The following BRSK1 variants were observed in gnomAD, a reference collection of about 807,000 sequenced individuals.
BRSK1 encodes the protein serine/threonine-protein kinase BRSK1.
BRSK1 carries 17 observed loss-of-function variants against 86.2 expected under a neutral mutation model. That is an observed-to-expected ratio of 0.20 (90% CI 0.14 to 0.30). The LOEUF is 0.30. BRSK1 is among the 10% of genes least tolerant of loss of function. The probability of loss-of-function intolerance (pLI) is 1.00; values close to 1 mark genes in which losing one functional copy is unlikely to be tolerated. For synonymous variants in BRSK1, 464 were observed against 440.1 expected, an observed-to-expected ratio of 1.05 and a Z score of -0.68; for missense variants, 719 against 1,071.9, an observed-to-expected ratio of 0.67 and a Z score of 4.60.
Position 55,304,845 on chromosome 19 carries a change from G to T in BRSK1, c.1642G>T (p.Ala548Ser). Reference sequence around the variant, plus strand: ...CCCCGGCGGTGGCGTCGGGGGAGCCGCCTGGAGGAGTCGTCTCAACTCCAT... The same window carrying T: ...CCCCGGCGGTGGCGTCGGGGGAGCCTCCTGGAGGAGTCGTCTCAACTCCAT... ...PSPGGGVGGA[A>S]WRSRLNSIRN... Residue 548 changes from alanine to serine, a missense_variant, in exon 14 of 19, where the codon GCC (alanine) becomes TCC (serine). By Grantham distance (99) the Ala-to-Ser change is moderately conservative (BLOSUM62 1). Transcript: ENST00000309383. The surrounding 1 kb of genome is among the most constrained non-coding windows in gnomAD (Gnocchi z 5.2). 2 of 1,606,546 alleles carry T rather than the reference G, an allele frequency of 1.2e-6. No homozygotes were observed. Among genetic ancestry groups the T allele is most frequent in the South Asian group, 1.1e-5 (1 of 90,642 alleles).
chr19:55,312,252 G>A lies in BRSK1; in HGVS notation c.*184G>A, dbSNP rs1428269120. 2.5e-6 allele frequency: 1 copy of A among 407,490 alleles called. No homozygotes were observed. Among genetic ancestry groups the A allele is most frequent in the Non-Finnish European group, 4.3e-6 (1 of 230,874 alleles). 25.2% of individuals were successfully genotyped at this position (407,490 alleles called of 1,614,324 possible). A position where few individuals can be genotyped will look rare whatever the true frequency, so the allele number is the denominator to read the frequency against. The stretch of plus-strand genomic sequence containing the variant: ...CTGGGGGTGGTTCTAGGGGAACAGG[G>A]GGCGGGGGAGCTGTTTCTATTTTAT... On this transcript the variant is annotated 3_prime_UTR_variant, in exon 19 of 19. Coordinates refer to ENST00000309383, the MANE Select transcript of BRSK1 (RefSeq NM_032430.2).
Position 55,294,473 on chromosome 19 carries a change from C to G in BRSK1, c.678+76C>G. The G allele has an allele frequency of 1.4e-6, 2 of 1,443,906 alleles. No individual in the cohort carries two copies. The highest frequency in any genetic ancestry group is 1.9e-6 in the Non-Finnish European group (2 of 1,047,578). 89.4% of individuals were successfully genotyped at this position (1,443,906 alleles called of 1,614,324 possible). Reference sequence around the variant, plus strand: ...GGAGCATAGGACAGTACCTTCCATCCTCAGGTCATCTCCTGAATTTATTTA... The same window carrying G: ...GGAGCATAGGACAGTACCTTCCATCGTCAGGTCATCTCCTGAATTTATTTA... On this transcript the variant is annotated intron_variant, in intron 7 of 18. Transcript: ENST00000309383. The surrounding 1 kb of genome is among the most constrained non-coding windows in gnomAD (Gnocchi z 4.9).
In BRSK1 at chr19:55,304,838, G is replaced by T. The variant is rs767680955; in HGVS notation, c.1635G>T (p.Gly545=). The change falls in exon 14 of 19, where the codon GGG becomes GGT. Residue 545 remains glycine (G), a synonymous_variant. Coordinates refer to ENST00000309383, the MANE Select transcript of BRSK1 (RefSeq NM_032430.2). This position sits in a 1 kb window ranked among gnomAD's most constrained non-coding sequence, Gnocchi z 5.2. Reference sequence around the variant, plus strand: ...CCCCCAGCCCCGGCGGTGGCGTCGGGGGAGCCGCCTGGAGGAGTCGTCTCA... The same window carrying T: ...CCCCCAGCCCCGGCGGTGGCGTCGGTGGAGCCGCCTGGAGGAGTCGTCTCA... The part of the protein sequence containing the change: ...TPPPSPGGGV[G]GAAWRSRLNS... 1 of 1,603,056 alleles carries T rather than the reference G, an allele frequency of 6.2e-7. No individual in the cohort carries two copies. Among genetic ancestry groups the T allele is most frequent in the Non-Finnish European group, 8.5e-7 (1 of 1,177,054 alleles).
intron 7 of BRSK1, among the ~76,000 whole-genome samples, chr19:55,300,844 AAAAG>A (rs151039501): frequency 1.2e-3 from 178 of 152,270 alleles, no homozygotes; most frequent in African/African-American, 3.6e-3. Context: ...TCCATCTCAA[AAAAG>A]AAAGAAAGAA....
chr19:55,285,170 T>C (rs1328273999), intron 1 of BRSK1, among the ~76,000 whole-genome samples: 1 of 143,438 alleles, frequency 7.0e-6, no homozygotes, highest in Non-Finnish European at 1.5e-5. Context: ...CTCCTGAGTA[T>C]GAAGGAAGAG....
intron 1 of BRSK1, among the ~76,000 whole-genome samples, chr19:55,285,818 C>G (rs1050778272): frequency 6.6e-6 from 1 of 152,034 alleles, no homozygotes; most frequent in African/African-American, 2.4e-5. Flanking sequence ...ACCGACTGGG[C>G]CGTAACTGGG....
At position 55,287,412 on chromosome 19, in the gene BRSK1, G is replaced by C; in HGVS notation, c.317+113G>C. 1 of 957,676 alleles carries C rather than the reference G, an allele frequency of 1.0e-6. No homozygotes were observed. The highest frequency in any genetic ancestry group is 1.6e-6 in the Non-Finnish European group (1 of 617,902). The allele number at this position is 957,676 out of a possible 1,614,324, so 59.3% of individuals were successfully genotyped here. On this transcript the variant is annotated intron_variant, in intron 3 of 18. Coordinates refer to ENST00000309383, the MANE Select transcript of BRSK1 (RefSeq NM_032430.2). The surrounding 1 kb of genome is among the most constrained non-coding windows in gnomAD (Gnocchi z 5.3). ...ACCTGGGGGACCTGCAGCTCTCCAG[G>C]CTGGACCGCTGAAGGCCCAGTTCCT... is the stretch of plus-strand genomic sequence containing the variant.
At position 55,311,982 on chromosome 19, in the gene BRSK1, C is replaced by A. The variant is rs749161942; in HGVS notation, c.2251C>A (p.Pro751Thr). 6.3e-7 allele frequency: 1 copy of A among 1,583,918 alleles called. No homozygotes were observed. Among genetic ancestry groups the A allele is most frequent in the South Asian group, 1.1e-5 (1 of 87,934 alleles). ...AAGCCTGCAGCCCCCACCCGGCCGC[C>A]CAGACCCAGAGCTGAGCAGCTCTCC... is the stretch of plus-strand genomic sequence containing the variant. The part of the protein sequence containing the change: ...PRSLQPPPGR[P>T]DPELSSSPRR... Residue 751 changes from proline to threonine, a missense_variant, in exon 19 of 19, where the codon CCA becomes ACA. By Grantham distance (38) the Pro-to-Thr change is conservative. Transcript: ENST00000309383.
chr19:55,303,526 A>T lies in BRSK1; in HGVS notation c.1126+118A>T. On this transcript the variant is annotated intron_variant, in intron 11 of 18. Transcript: ENST00000309383. This position sits in a 1 kb window ranked among gnomAD's most constrained non-coding sequence, Gnocchi z 5.1. ...CTGCAGGCTCTGAGCTTCCAGCTTT[A>T]GACTGCTTGACTTGCTCTTTGACAT... The T allele has an allele frequency of 6.7e-7, 1 of 1,483,174 alleles. No homozygotes were observed. The allele number at this position is 1,483,174 out of a possible 1,614,324, so 91.9% of individuals were successfully genotyped here. A position where few individuals can be genotyped will look rare whatever the true frequency, so the allele number is the denominator to read the frequency against.
chr19:55,293,796 C>T (rs192736208), intron 4 of BRSK1, among the ~76,000 whole-genome samples: 120 of 152,094 alleles, frequency 7.9e-4, no homozygotes, highest in African/African-American at 2.3e-3. Flanking sequence ...GGAGACAGAG[C>T]GAGATTCCAT....
chr19:55,289,383 G>C, intron 3 of BRSK1, 97 bp from the exon 4 acceptor site: 1 of 1,414,682 alleles, frequency 7.1e-7, no homozygotes, highest in Non-Finnish European at 9.6e-7. Flanking sequence ...ATGGGAATTG[G>C]AGTTCTCTGC....
At position 55,284,331 on chromosome 19, in the gene BRSK1, G is replaced by T. The variant is rs1319513720; in HGVS notation, c.-112G>T. On this transcript the variant is annotated 5_prime_UTR_variant, in exon 1 of 19. Coordinates refer to ENST00000309383, the MANE Select transcript of BRSK1 (RefSeq NM_032430.2). ...CCCCTGGGGACCCCCGGAGAGGTGGGGGGCAGCCGGGGGGGCCGGGACGGA... is the reference window on the plus strand; with the variant it reads ...CCCCTGGGGACCCCCGGAGAGGTGGTGGGCAGCCGGGGGGGCCGGGACGGA... 5.7e-6 allele frequency: 5 copies of T among 876,610 alleles called. No homozygotes were observed. Among genetic ancestry groups the T allele is most frequent in the Non-Finnish European group, 7.6e-6 (5 of 660,776 alleles). 54.3% of individuals were successfully genotyped at this position (876,610 alleles called of 1,614,324 possible).
chr19:55,304,553 T>C lies in BRSK1; in HGVS notation c.1350T>C (p.Ser450=). The change falls in exon 14 of 19, where the codon AGT becomes AGC. Residue 450 remains serine, a splice_region_variant and synonymous_variant. Coordinates refer to ENST00000309383, the MANE Select transcript of BRSK1 (RefSeq NM_032430.2). This position sits in a 1 kb window ranked among gnomAD's most constrained non-coding sequence, Gnocchi z 5.2. The part of the protein sequence containing the change: ...LSSSPLSSPR[S]PVFSFSPEPG... ...TCTCAGTCTCCTGTCCTCTGCAGAGTCCGGTCTTTTCCTTTTCACCGGAGC... is the reference window on the plus strand; with the variant it reads ...TCTCAGTCTCCTGTCCTCTGCAGAGCCCGGTCTTTTCCTTTTCACCGGAGC... The C allele has an allele frequency of 3.8e-6, 6 of 1,579,164 alleles. No homozygotes were observed. The highest frequency in any genetic ancestry group is 5.1e-6 in the Non-Finnish European group (6 of 1,166,032).
Position 55,306,114 on chromosome 19 carries a change from TG to T in BRSK1, c.1891-134del. 1 of 795,336 alleles carries T rather than the reference TG, an allele frequency of 1.3e-6. No individual in the cohort carries two copies. Among genetic ancestry groups the T allele is most frequent in the Non-Finnish European group, 2.0e-6 (1 of 501,930 alleles). 49.3% of individuals were successfully genotyped at this position (795,336 alleles called of 1,614,324 possible). ...GAAAGCTACAAGTCCTTGCAGGCAG[TG>T]GGGCCTCCCAATGCATTTCCTGTCC... On this transcript the variant is annotated intron_variant, in intron 16 of 18. Coordinates refer to ENST00000309383, the MANE Select transcript of BRSK1 (RefSeq NM_032430.2). The surrounding 1 kb of genome is among the most constrained non-coding windows in gnomAD (Gnocchi z 4.7).
chr19:55,284,210 C>A lies in BRSK1; in HGVS notation c.-233C>A. On this transcript the variant is annotated 5_prime_UTR_variant, in exon 1 of 19. Transcript: ENST00000309383. ...GCTGGGGAGGGGGGGCCCCGCAGCC[C>A]CCCTGGGCCATGCTGACTCCCGGGG... 1 of 723,274 alleles carries A rather than the reference C, an allele frequency of 1.4e-6. No individual in the cohort carries two copies. Among genetic ancestry groups the A allele is most frequent in the Non-Finnish European group, 1.9e-6 (1 of 525,904 alleles). The allele number at this position is 723,274 out of a possible 1,614,324, so 44.8% of individuals were successfully genotyped here. A position where few individuals can be genotyped will look rare whatever the true frequency, so the allele number is the denominator to read the frequency against.
rs2088824122 is a variant in BRSK1 at position 55,312,410 on chromosome 19, C to T, written c.*342C>T. 5.2e-6 allele frequency: 1 copy of T among 193,002 alleles called. No homozygotes were observed. The highest frequency in any genetic ancestry group is 6.0e-5 in the Admixed American group (1 of 16,560). The allele number at this position is 193,002 out of a possible 1,614,324, so 12.0% of individuals were successfully genotyped here. On this transcript the variant is annotated 3_prime_UTR_variant, in exon 19 of 19. Transcript: ENST00000309383. ...CTGTCCCTGTGTCGTCCCCAACCCC[C>T]TCTTCCCGGGCCCCTCCTCCCCTGG...
At position 55,305,463 on chromosome 19, in the gene BRSK1, G is replaced by A; in HGVS notation, c.1767G>A (p.Glu589=). The A allele has an allele frequency of 6.2e-7, 1 of 1,614,154 alleles. No individual in the cohort carries two copies. The highest frequency in any genetic ancestry group is 8.5e-7 in the Non-Finnish European group (1 of 1,180,016). ...CCTCCAACCACCCCCTCCCACTCAG[G>A]CTGGCAAAACGCTCCTGGTTCGGGA... ...MSSLTPESSP[E]LAKRSWFGNF... is the part of the protein sequence containing the mutation. The change falls in exon 16 of 19, where the codon GAG becomes GAA. Residue 589 remains glutamate, a splice_region_variant and synonymous_variant. Coordinates refer to ENST00000309383, the MANE Select transcript of BRSK1 (RefSeq NM_032430.2).
chr19:55,304,672 A>G lies in BRSK1; in HGVS notation c.1469A>G (p.Glu490Gly). 6.7e-7 allele frequency: 1 copy of G among 1,486,910 alleles called. No homozygotes were observed. Among genetic ancestry groups the G allele is most frequent in the Non-Finnish European group, 8.9e-7 (1 of 1,126,056 alleles). The allele number at this position is 1,486,910 out of a possible 1,614,324, so 92.1% of individuals were successfully genotyped here. A position where few individuals can be genotyped will look rare whatever the true frequency, so the allele number is the denominator to read the frequency against. Reference sequence around the variant, plus strand: ...GGCCCCAGGGGTGGGGGCGCCGGGGAGCAGCCCCCGCCCCCCAGTGCCCGC... The same window carrying G: ...GGCCCCAGGGGTGGGGGCGCCGGGGGGCAGCCCCCGCCCCCCAGTGCCCGC... ...SRGPRGGGAG[E>G]QPPPPSARST... Residue 490 changes from glutamate (E) to glycine (G), a missense_variant, in exon 14 of 19, where the codon GAG becomes GGG. Physicochemically the swap from Glu to Gly is moderately conservative, Grantham distance 98 (BLOSUM62 -2). This residue lies in a region of BRSK1 where 143 missense variants were observed against 120.1 expected (regional missense o/e 1.19). Transcript: ENST00000309383. This position sits in a 1 kb window ranked among gnomAD's most constrained non-coding sequence, Gnocchi z 5.2.
At chr19:55,299,622 GT>G (rs2088542141) in intron 7 of BRSK1, among the ~76,000 whole-genome samples, 1 of 152,160 alleles carries the variant, frequency 6.6e-6, no homozygotes, top group Non-Finnish European at 1.5e-5. Context: ...CTGAACTCAA[GT>G]GATCCTCGCC....
Sources: gnomAD v4.1 joint callset for allele counts (sites outside exome capture counted in the v4.1 genomes callset) on GRCh38, gnomAD v4.1.1 for gene constraint, gnomAD v4.1.1 regional missense constraint, Gnocchi (gnomAD v3.1) non-coding constraint, MANE v1.5 for transcripts, NCBI Gene and HGNC (gene_info 2026-07-23, HGNC 2026-07-21) for gene names.